The following UNC79 variants were observed in gnomAD, a reference collection of about 807,000 sequenced individuals.
The protein encoded by UNC79 is protein unc-79 homolog.
Under a neutral mutation model 283.1 loss-of-function variants are expected in UNC79, and 37 were observed. The observed-to-expected ratio is 0.13, with a 90% confidence interval of 0.10 to 0.17. The LOEUF is 0.17. Among genes scored for constraint, UNC79 ranks in the 10% least tolerant of loss-of-function variants. The probability of loss-of-function intolerance (pLI) is 1.00; values close to 1 mark genes in which losing one functional copy is unlikely to be tolerated. For synonymous variants in UNC79, 1,107 were observed against 1,200.2 expected (o/e 0.92, Z 1.61); for missense variants, 2,272 against 3,211.1 (o/e 0.71, Z 7.07).
At chr14:93,391,424 G>A (rs2054881282) in intron 1 of UNC79, among the ~76,000 whole-genome samples, 1 of 152,240 alleles carries the variant, frequency 6.6e-6, no homozygotes, top group Middle Eastern at 3.4e-3. Flanking sequence ...GGTAGGGAAA[G>A]ATTTTTTAAA....
intron 1 of UNC79, among the ~76,000 whole-genome samples, chr14:93,363,577 C>T (rs770538822): frequency 2.8e-4 from 42 of 152,154 alleles, no homozygotes; most frequent in Non-Finnish European, 5.6e-4. Flanking sequence ...AAGTCTCCCA[C>T]TGTTATTGTG....
At chr14:93,505,675 A>C (rs546114048) in intron 7 of UNC79, among the ~76,000 whole-genome samples, 1 of 151,640 alleles carries the variant, frequency 6.6e-6, no homozygotes, top group East Asian at 1.9e-4. Flanking sequence ...CTTTAAATCC[A>C]CAATTTTCTA....
chr14:93,563,571 G>T lies in UNC79; in HGVS notation c.1756-8323G>T, dbSNP rs183965839. Among the ~76,000 whole-genome samples the T allele has an allele frequency of 1.6e-3, 239 of 152,286 alleles. 2 individuals carry two copies. Among genetic ancestry groups the T allele is most frequent in the African/African-American group, 5.5e-3 (228 of 41,564 alleles). On this transcript the variant is annotated intron_variant, in intron 14 of 48. Coordinates refer to ENST00000555664, the Ensembl canonical transcript of UNC79. Reference sequence around the variant, plus strand: ...CTTGCTGAGAGGTAGTGCAGCGGGGGCAGAGCAGTAGCCTCAATGATAGAT... The same window carrying T: ...CTTGCTGAGAGGTAGTGCAGCGGGGTCAGAGCAGTAGCCTCAATGATAGAT...
chr14:93,662,000 T>G (rs1478854817), intron 39 of UNC79, among the ~76,000 whole-genome samples: 1 of 152,216 alleles, frequency 6.6e-6, no homozygotes, highest in Non-Finnish European at 1.5e-5. Context: ...TGTCTGACAC[T>G]CAGTAGGTAC....
chr14:93,554,452 A>G (rs919833778), intron 14 of UNC79, among the ~76,000 whole-genome samples: 5 of 152,096 alleles, frequency 3.3e-5, no homozygotes, highest in African/African-American at 1.2e-4. Flanking sequence ...GCATTAGTAT[A>G]TTAATACTAA....
chr14:93,488,790 C>T (rs2058579581), intron 5 of UNC79, among the ~76,000 whole-genome samples: 1 of 152,128 alleles, frequency 6.6e-6, no homozygotes, highest in African/African-American at 2.4e-5. Context: ...GTGTTGTGTC[C>T]TTAAATGGTG....
chr14:93,622,477 C>T (rs960984229), exon 30 of UNC79: 4 of 1,614,116 alleles, frequency 2.5e-6, no homozygotes, highest in South Asian at 2.2e-5. Flanking sequence ...AAAAACGAGA[C>T]CTCCTTCAGA....
intron 1 of UNC79, among the ~76,000 whole-genome samples, chr14:93,419,902 A>C (rs935674444): frequency 6.6e-6 from 1 of 151,690 alleles, no homozygotes; most frequent in Non-Finnish European, 1.5e-5. Context: ...TGTCTTTATA[A>C]AAGAATAAAA....
chr14:93,568,172 G>GACTATTAATGGGTCTTAATATA (rs1218376896), intron 14 of UNC79, among the ~76,000 whole-genome samples: 1 of 152,142 alleles, frequency 6.6e-6, no homozygotes, highest in African/African-American at 2.4e-5. Context: ...CACTTTGTAT[G>GACTATTAATGGGTCTTAATATA]ACTATTAATG....
intron 1 of UNC79, among the ~76,000 whole-genome samples, chr14:93,411,909 A>G (rs972552109): frequency 6.6e-6 from 1 of 152,210 alleles, no homozygotes; most frequent in Non-Finnish European, 1.5e-5. Flanking sequence ...TACCAAGACC[A>G]TCCAGAAAAA....
chr14:93,663,016 C>T (rs1363836051), intron 40 of UNC79, among the ~76,000 whole-genome samples: 1 of 152,080 alleles, frequency 6.6e-6, no homozygotes, highest in Non-Finnish European at 1.5e-5. Context: ...GTTGACATGA[C>T]CTCTTAAGGT....
At chr14:93,516,898 C>T (rs1219900128) in intron 7 of UNC79, among the ~76,000 whole-genome samples, 1 of 151,942 alleles carries the variant, frequency 6.6e-6, no homozygotes, top group Admixed American at 6.6e-5. Flanking sequence ...GCAATATTTG[C>T]TGGTTTTTAG....
chr14:93,704,115 G>A (rs2075712221), intron 47 of UNC79, among the ~76,000 whole-genome samples: 3 of 152,160 alleles, frequency 2.0e-5, no homozygotes, highest in African/African-American at 2.4e-5. Context: ...CCCACACTTC[G>A]CAGACACCCG....
At chr14:93,539,615 A>C (rs555871516) in intron 12 of UNC79, among the ~76,000 whole-genome samples, 78 of 152,282 alleles carry the variant, frequency 5.1e-4, no homozygotes, top group Admixed American at 4.7e-3. Flanking sequence ...CCAGTGGCTG[A>C]CACGTAGTAG....
chr14:93,624,746 C>T (rs140671216), intron 30 of UNC79, among the ~76,000 whole-genome samples: 1 of 152,324 alleles, frequency 6.6e-6, no homozygotes, highest in African/African-American at 2.4e-5. Context: ...CTGATCTGAT[C>T]TCTTCTGCCC....
chr14:93,704,547 G>A, intron 47 of UNC79, 78 bp from the exon 51 acceptor site: 2 of 1,521,190 alleles, frequency 1.3e-6, no homozygotes, highest in Non-Finnish European at 1.8e-6. Flanking sequence ...AATGTGGCCT[G>A]TTTTCCCTTG....
At chr14:93,485,754 G>A (rs553386374) in intron 4 of UNC79, among the ~76,000 whole-genome samples, 3 of 152,042 alleles carry the variant, frequency 2.0e-5, no homozygotes, top group East Asian at 3.9e-4. Context: ...GAGTATCACC[G>A]GCGTAGGCAG....
At chr14:93,511,598 C>T (rs2059828747) in intron 7 of UNC79, among the ~76,000 whole-genome samples, 1 of 152,094 alleles carries the variant, frequency 6.6e-6, no homozygotes. Context: ...CAGGCATGTG[C>T]CACCACGCCC....
chr14:93,543,765 T>C (rs1322293448), intron 14 of UNC79, among the ~76,000 whole-genome samples: 1 of 152,190 alleles, frequency 6.6e-6, no homozygotes, highest in Non-Finnish European at 1.5e-5. Context: ...TTTTTCCAAG[T>C]GTTTTCTAAG....
Sources: allele counts gnomAD v4.1 joint callset (sites outside exome capture counted in the v4.1 genomes callset), GRCh38; gene constraint gnomAD v4.1.1; transcripts MANE v1.5; gene names NCBI Gene and HGNC (gene_info 2026-07-23, HGNC 2026-07-21).